The following NCOA1 variants were observed in gnomAD, a reference collection of about 807,000 sequenced individuals.
NCOA1 encodes the protein nuclear receptor coactivator 1, also known as Hin-2 protein.
In NCOA1, 35 loss-of-function variants were observed where a neutral mutation model predicts 150.9. The ratio of observed to expected loss-of-function variants is 0.23; its 90% CI spans 0.18 to 0.31. The LOEUF is 0.31. Among genes scored for constraint, NCOA1 ranks in the 10% least tolerant of loss-of-function variants. The pLI is 1.00. For synonymous variants in NCOA1, 590 were observed against 630.0 expected (o/e 0.94, Z 0.95); for missense variants, 1,491 against 1,749.3 (o/e 0.85, Z 2.63).
chr2:24,545,223 G>A (rs1280423571), intron 1 of NCOA1, among the ~76,000 whole-genome samples: 2 of 152,032 alleles, frequency 1.3e-5, no homozygotes, highest in African/African-American at 4.8e-5. Flanking sequence ...CCGGGGCAGG[G>A]AATTTGCAAG....
chr2:24,571,832 T>G (rs1666754801), intron 2 of NCOA1, among the ~76,000 whole-genome samples: 1 of 152,200 alleles, frequency 6.6e-6, no homozygotes, highest in South Asian at 2.1e-4. Context: ...AACCAAAGGA[T>G]CAAGTGTATT....
At chr2:24,568,795 A>C (rs1009511496) in intron 2 of NCOA1, among the ~76,000 whole-genome samples, 1 of 152,236 alleles carries the variant, frequency 6.6e-6, no homozygotes, top group Non-Finnish European at 1.5e-5. Flanking sequence ...CTGGAAAAGC[A>C]ATTACTGTCA....
intron 19 of NCOA1, among the ~76,000 whole-genome samples, chr2:24,745,127 A>T (rs1663829337): frequency 6.6e-6 from 1 of 151,868 alleles, no homozygotes; most frequent in Non-Finnish European, 1.5e-5. Flanking sequence ...AAAAGAACAG[A>T]ATCAGACTTT....
intron 11 of NCOA1, among the ~76,000 whole-genome samples, chr2:24,698,896 A>G (rs1673025715): frequency 6.6e-6 from 1 of 152,178 alleles, no homozygotes; most frequent in African/African-American, 2.4e-5. Flanking sequence ...TCCAGGAAAC[A>G]TCTATATAAA....
intron 12 of NCOA1, among the ~76,000 whole-genome samples, chr2:24,706,060 A>G (rs865912716): frequency 2.3e-4 from 35 of 151,978 alleles, no homozygotes; most frequent in African/African-American, 7.7e-4. Flanking sequence ...CACTCTTTTT[A>G]ATTTTTACAT....
intron 7 of NCOA1, among the ~76,000 whole-genome samples, chr2:24,678,239 T>G (rs574599394): frequency 7.2e-5 from 11 of 152,366 alleles, no homozygotes; most frequent in African/African-American, 2.6e-4. Flanking sequence ...TATGGCTACA[T>G]AGTATTCCAT....
chr2:24,588,509 T>G (rs1351713660), intron 3 of NCOA1, among the ~76,000 whole-genome samples: 1 of 152,178 alleles, frequency 6.6e-6, no homozygotes, highest in Non-Finnish European at 1.5e-5. Flanking sequence ...TTTTCCCCCC[T>G]CTCCGTTGAG....
intron 4 of NCOA1, among the ~76,000 whole-genome samples, chr2:24,655,792 T>C (rs562130899): frequency 4.6e-5 from 7 of 152,162 alleles, no homozygotes; most frequent in South Asian, 2.1e-4. Context: ...ATTTTGGAAA[T>C]ATTTAAGAAG....
At chr2:24,724,085 G>A (rs1227017121) in intron 14 of NCOA1, among the ~76,000 whole-genome samples, 1 of 126,108 alleles carries the variant, frequency 7.9e-6, no homozygotes, top group East Asian at 4.0e-4. Context: ...TTTGTTTTTT[G>A]TTTTGTTTTG....
chr2:24,699,155 T>C (rs1286738069), intron 11 of NCOA1, among the ~76,000 whole-genome samples: 1 of 152,208 alleles, frequency 6.6e-6, no homozygotes, highest in African/African-American at 2.4e-5. Flanking sequence ...TGCTTGACTT[T>C]TGCATAGGTT....
At chr2:24,637,149 G>A (rs1317499440) in intron 3 of NCOA1, among the ~76,000 whole-genome samples, 3 of 149,884 alleles carry the variant, frequency 2.0e-5, no homozygotes, top group Non-Finnish European at 4.4e-5. Context: ...AGTTACATAT[G>A]TATACATGTG....
At chr2:24,602,069 C>A (rs536087631) in intron 3 of NCOA1, among the ~76,000 whole-genome samples, 28 of 152,148 alleles carry the variant, frequency 1.8e-4, no homozygotes, top group African/African-American at 5.8e-4. Context: ...TCAAAAAATA[C>A]TCATTATAAT....
intron 3 of NCOA1, among the ~76,000 whole-genome samples, chr2:24,610,879 C>T (rs1668593456): frequency 6.6e-6 from 1 of 150,612 alleles, no homozygotes; most frequent in South Asian, 2.1e-4. Flanking sequence ...TTTTTTATTT[C>T]CTTCTACTAT....
chr2:24,667,836 G>A (rs563559821), intron 6 of NCOA1, among the ~76,000 whole-genome samples: 238 of 151,988 alleles, frequency 1.6e-3, no homozygotes, highest in Middle Eastern at 3.4e-3. Context: ...GCTCAAATAC[G>A]TCTTCTGAGT....
intron 5 of NCOA1, among the ~76,000 whole-genome samples, chr2:24,659,713 A>C (rs1671094699): frequency 6.6e-6 from 1 of 152,120 alleles, no homozygotes; most frequent in African/African-American, 2.4e-5. Flanking sequence ...AAGTTTTTCA[A>C]ACTCCACACT....
intron 4 of NCOA1, among the ~76,000 whole-genome samples, chr2:24,653,435 A>G (rs947086613): frequency 7.2e-5 from 11 of 152,208 alleles, no homozygotes; most frequent in Non-Finnish European, 1.3e-4. Context: ...TATAAGAAAT[A>G]ATTTCAAAGA....
intron 18 of NCOA1, 123 bp from the exon 19 acceptor site, chr2:24,741,660 CT>C (rs1572669034): frequency 9.2e-7 from 1 of 1,085,402 alleles, no homozygotes; most frequent in Non-Finnish European, 1.3e-6. Flanking sequence ...TTTAGTTTCC[CT>C]TGTACAGTGA....
At chr2:24,540,659 A>G (rs1033295532) in intron 1 of NCOA1, among the ~76,000 whole-genome samples, 1 of 151,952 alleles carries the variant, frequency 6.6e-6, no homozygotes, top group Non-Finnish European at 1.5e-5. Flanking sequence ...AGGTTTCACC[A>G]TGTTGGCCAG....
chr2:24,523,466 T>C, intron 1 of NCOA1, among the ~76,000 whole-genome samples: 1 of 146,370 alleles, frequency 6.8e-6, no homozygotes. Flanking sequence ...AATTGCCAGG[T>C]GTGGTGGTGG....
Sources: gnomAD v4.1 joint callset for allele counts (sites outside exome capture counted in the v4.1 genomes callset) on GRCh38, gnomAD v4.1.1 for gene constraint, MANE v1.5 for transcripts, NCBI Gene and HGNC (gene_info 2026-07-23, HGNC 2026-07-21) for gene names.